The following ADAMTS2 variants were observed in gnomAD, a reference collection of about 807,000 sequenced individuals.
ADAMTS2 encodes the protein ADAM metallopeptidase with thrombospondin type 1 motif 2.
In ADAMTS2, 50 loss-of-function variants were observed where a neutral mutation model predicts 123.0. The ratio of observed to expected loss-of-function variants is 0.41; its 90% confidence interval spans 0.32 to 0.51. ADAMTS2 has a LOEUF of 0.51. ADAMTS2 is among the 20% of genes least tolerant of loss of function. ADAMTS2 has a pLI of 0.35. For missense variants in ADAMTS2, 1,494 were observed against 1,705.2 expected (o/e 0.88, Z 2.18); for synonymous variants, 678 against 695.4 (o/e 0.98, Z 0.39).
intron 2 of ADAMTS2, among the ~76,000 whole-genome samples, chr5:179,298,489 C>A (rs1235419494): frequency 1.3e-5 from 2 of 152,170 alleles, no homozygotes; most frequent in Admixed American, 6.5e-5. Context: ...CCCACTGGCG[C>A]CCCGATCTCA....
At chr5:179,212,133 C>T (rs1243617186) in intron 3 of ADAMTS2, among the ~76,000 whole-genome samples, 4 of 152,226 alleles carry the variant, frequency 2.6e-5, no homozygotes, top group Non-Finnish European at 5.9e-5. Flanking sequence ...GAAGAGAAAA[C>T]CTGGGACTGA....
At position 179,198,837 on chromosome 5, in the gene ADAMTS2, GA is replaced by G. The variant is rs966397918; in HGVS notation, c.891+8675del. On this transcript the variant is annotated intron_variant, in intron 4 of 21. Coordinates refer to ENST00000251582, the MANE Select transcript of ADAMTS2 (RefSeq NM_014244.5). The stretch of plus-strand genomic sequence containing the variant: ...CGACAGAGCAAGACTCTATCTCAAG[GA>G]AAAAAAAAAAAAAACAAAACTCACT... Among the ~76,000 whole-genome samples the G allele has an allele frequency of 2.1e-3, 266 of 127,668 alleles. 2 individuals are homozygous for G. Among genetic ancestry groups the G allele is most frequent in the South Asian group, 0.015 (58 of 3,824 alleles). 83.8% of individuals were successfully genotyped at this position (127,668 alleles called of 152,430 possible).
At chr5:179,174,651 T>G (rs1321046132) in intron 5 of ADAMTS2, among the ~76,000 whole-genome samples, 1 of 152,268 alleles carries the variant, frequency 6.6e-6, no homozygotes, top group Non-Finnish European at 1.5e-5. Flanking sequence ...TCAACTATTT[T>G]ATTCAACTGA....
intron 3 of ADAMTS2, among the ~76,000 whole-genome samples, chr5:179,236,589 A>C (rs1765535567): frequency 6.6e-6 from 1 of 152,316 alleles, no homozygotes; most frequent in East Asian, 1.9e-4. Flanking sequence ...TCAAGAATTC[A>C]AGAGCAGCCT....
rs138529959 is a variant in ADAMTS2 at position 179,176,812 on chromosome 5, G to A, written c.975+4260C>T. 1.4e-4 allele frequency among the ~76,000 whole-genome samples: 21 copies of A among 152,284 alleles called. No homozygotes were observed. The East Asian group carries it at 3.7e-3, about 27-fold the overall frequency. On this transcript the variant is annotated intron_variant, in intron 5 of 21. Transcript: ENST00000251582. ...CAGGTCTGCTCTGCTCCTTGCGATC[G>A]GCTCCTTCCGACGTCTTTGGCATTG... is the stretch of plus-strand genomic sequence containing the variant.
chr5:179,141,347 C>A (rs2113226022), intron 10 of ADAMTS2, among the ~76,000 whole-genome samples: 1 of 152,272 alleles, frequency 6.6e-6, no homozygotes, highest in Non-Finnish European at 1.5e-5. Context: ...CAGCTATAGA[C>A]AACCTATAAA....
intron 19 of ADAMTS2, among the ~76,000 whole-genome samples, chr5:179,124,110 C>T (rs571609836): frequency 1.3e-5 from 2 of 152,210 alleles, no homozygotes; most frequent in Non-Finnish European, 2.9e-5. Flanking sequence ...TTTCTTTTTC[C>T]CGATTCTACT....
At chr5:179,276,009 C>T (rs1766684604) in intron 2 of ADAMTS2, among the ~76,000 whole-genome samples, 1 of 152,122 alleles carries the variant, frequency 6.6e-6, no homozygotes, top group South Asian at 2.1e-4. Flanking sequence ...CAGGGCAAGA[C>T]CGAGGTCGGA....
At chr5:179,245,853 A>G (rs1164000479) in intron 3 of ADAMTS2, among the ~76,000 whole-genome samples, 3 of 150,834 alleles carry the variant, frequency 2.0e-5, no homozygotes, top group Non-Finnish European at 4.4e-5. Context: ...ATGTTTCTAT[A>G]GCTCACAGGA....
chr5:179,251,791 G>A (rs976133399), intron 3 of ADAMTS2, among the ~76,000 whole-genome samples: 5 of 152,140 alleles, frequency 3.3e-5, no homozygotes, highest in African/African-American at 9.7e-5. Context: ...AGGAGGTGCT[G>A]TGTGCAGAAG....
intron 2 of ADAMTS2, among the ~76,000 whole-genome samples, chr5:179,339,565 G>C (rs527884874): frequency 2.0e-5 from 3 of 152,322 alleles, no homozygotes; most frequent in Admixed American, 6.5e-5. Context: ...GTATGGCGGA[G>C]GCTGAGACTG....
intron 10 of ADAMTS2, among the ~76,000 whole-genome samples, chr5:179,147,907 T>C (rs116780411): frequency 0.011 from 1,674 of 152,294 alleles, 35 homozygotes; most frequent in African/African-American, 0.037. Context: ...AAATATCTTA[T>C]TTTTGCAAAA....
chr5:179,255,667 G>A (rs1043420400), intron 3 of ADAMTS2, among the ~76,000 whole-genome samples: 1 of 152,038 alleles, frequency 6.6e-6, no homozygotes, highest in Non-Finnish European at 1.5e-5. Flanking sequence ...CCCTGAGGTA[G>A]AGCCGTCTCC....
intron 5 of ADAMTS2, among the ~76,000 whole-genome samples, chr5:179,167,284 G>T (rs1165281703): frequency 6.6e-6 from 1 of 151,992 alleles, no homozygotes; most frequent in African/African-American, 2.4e-5. Flanking sequence ...GCCACCAGGT[G>T]GCGCTGCTGC....
chr5:179,188,963 C>T lies in ADAMTS2; in HGVS notation c.892-7808G>A, dbSNP rs754845869. Among the ~76,000 whole-genome samples the T allele has an allele frequency of 6.6e-6, 1 of 152,178 alleles. No homozygotes were observed. Among genetic ancestry groups the T allele is most frequent in the Non-Finnish European group, 1.5e-5 (1 of 68,036 alleles). On this transcript the variant is annotated intron_variant, in intron 4 of 21. Transcript: ENST00000251582. This position sits in a 1 kb window ranked among gnomAD's most constrained non-coding sequence, Gnocchi z 5.1. ...AACGACGGCAAGAGGCTGCCCCTCC[C>T]CCTCTCCTGAATTTGGGGGGTTAGC...
chr5:179,171,999 G>A (rs775488359), intron 5 of ADAMTS2, among the ~76,000 whole-genome samples: 13 of 152,266 alleles, frequency 8.5e-5, no homozygotes, highest in East Asian at 3.9e-4. Context: ...CCTCGGGGCC[G>A]GGGGTAAGCT....
At chr5:179,230,199 G>C (rs1765375804) in intron 3 of ADAMTS2, among the ~76,000 whole-genome samples, 1 of 152,208 alleles carries the variant, frequency 6.6e-6, no homozygotes, top group Non-Finnish European at 1.5e-5. Context: ...GGGCAGGGCT[G>C]GGCGTGAGGT....
intron 13 of ADAMTS2, among the ~76,000 whole-genome samples, chr5:179,135,197 G>A (rs1327159042): frequency 2.9e-5 from 3 of 103,832 alleles, no homozygotes; most frequent in South Asian, 3.2e-4. Context: ...GCCCCCAGCC[G>A]CTGTCCCTGC....
intron 2 of ADAMTS2, among the ~76,000 whole-genome samples, chr5:179,329,254 G>C (rs1186741425): frequency 1.8e-4 from 27 of 151,476 alleles, no homozygotes; most frequent in Admixed American, 1.5e-3. Flanking sequence ...GTGAACCCAG[G>C]AGGCAGAGCT....
Sources: gnomAD v4.1 joint callset for allele counts (sites outside exome capture counted in the v4.1 genomes callset) on GRCh38, gnomAD v4.1.1 for gene constraint, Gnocchi (gnomAD v3.1) non-coding constraint, MANE v1.5 for transcripts, NCBI Gene and HGNC (gene_info 2026-07-23, HGNC 2026-07-21) for gene names.